The following ATXN7L2 variants were observed in gnomAD, a reference collection of about 807,000 sequenced individuals.
The protein encoded by ATXN7L2 is ataxin 7 like 2.
A neutral mutation model predicts 59.6 loss-of-function variants in ATXN7L2; 17 were observed. The observed-to-expected ratio is 0.29, with a 90% CI of 0.20 to 0.43. The LOEUF (loss-of-function observed/expected upper bound fraction) is 0.43. ATXN7L2 is among the 20% of genes least tolerant of loss of function. The pLI is 1.00. For synonymous variants in ATXN7L2, 378 were observed against 392.5 expected, an observed-to-expected ratio of 0.96 and a Z score of 0.44; for missense variants, 858 against 1,008.9, an observed-to-expected ratio of 0.85 and a Z score of 2.03.
chr1:109,488,261 C>A lies in ATXN7L2; in HGVS notation c.797-122C>A. ...TTTATCTGGAAGGTACAGCCCCAGGCTGAGGGCTGGAGTCTCTTCTGCCTT... is the reference window on the plus strand; with the variant it reads ...TTTATCTGGAAGGTACAGCCCCAGGATGAGGGCTGGAGTCTCTTCTGCCTT... On this transcript the variant is annotated intron_variant, in intron 5 of 10. Coordinates refer to ENST00000683729, the MANE Select transcript of ATXN7L2 (RefSeq NM_001350175.2). This position sits in a 1 kb window ranked among gnomAD's most constrained non-coding sequence, Gnocchi z 5.0. 1 of 923,538 alleles carries A rather than the reference C, an allele frequency of 1.1e-6. No individual in the cohort carries two copies. Among genetic ancestry groups the A allele is most frequent in the Non-Finnish European group, 1.7e-6 (1 of 581,418 alleles). 57.2% of individuals were successfully genotyped at this position (923,538 alleles called of 1,614,324 possible). A position where few individuals can be genotyped will look rare whatever the true frequency, so the allele number is the denominator to read the frequency against.
chr1:109,484,186 C>T (rs1656398073), intron 1 of ATXN7L2, 106 bp downstream of exon 1: 1 of 1,148,300 alleles, frequency 8.7e-7, no homozygotes. Context: ...CGCCGTCCGG[C>T]TCCCCGGCCC....
At position 109,490,963 on chromosome 1, in the gene ATXN7L2, A is replaced by T. The variant is rs144683695; in HGVS notation, c.1496A>T (p.Asn499Ile). 30 of 1,580,124 alleles carry T rather than the reference A, an allele frequency of 1.9e-5. No homozygotes were observed. Among genetic ancestry groups the T allele is most frequent in the Non-Finnish European group, 2.5e-5 (29 of 1,161,440 alleles). ...PAAEPPAHLVNSPLSAPLSPS... is the reference protein window; with the variant it reads ...PAAEPPAHLVISPLSAPLSPS... ...GCTGAACCTCCAGCTCACCTTGTCA[A>T]CTCCCCGTTATCTGCTCCCCTGAGC... The change falls in exon 10 of 11, where the codon AAC becomes ATC. Residue 499 changes from asparagine (N) to isoleucine (I), a missense_variant. By Grantham distance (149) the Asn-to-Ile change is moderately radical. Coordinates refer to ENST00000683729, the MANE Select transcript of ATXN7L2 (RefSeq NM_001350175.2).
chr1:109,491,967 CT>C lies in ATXN7L2; in HGVS notation c.2250+251del, dbSNP rs1481226002. ...GAGGAGATGCGGCACCCCTCCACCC[CT>C]GCTTTTGCTATAATCAAAGGGCTAC... On this transcript the variant is annotated intron_variant, in intron 10 of 10. Coordinates refer to ENST00000683729, the MANE Select transcript of ATXN7L2 (RefSeq NM_001350175.2). The surrounding 1 kb of genome is among the most constrained non-coding windows in gnomAD (Gnocchi z 4.1). The C allele has an allele frequency of 7.9e-7, 1 of 1,268,512 alleles. No individual in the cohort carries two copies. The highest frequency in any genetic ancestry group is 1.5e-5 in the African/African-American group (1 of 67,012). 78.6% of individuals were successfully genotyped at this position (1,268,512 alleles called of 1,614,324 possible). A position where few individuals can be genotyped will look rare whatever the true frequency, so the allele number is the denominator to read the frequency against.
Position 109,490,961 on chromosome 1 carries a change from C to T in ATXN7L2, c.1494C>T (p.Val498=), listed in dbSNP as rs769225917. 16 of 1,581,694 alleles carry T rather than the reference C, an allele frequency of 1.0e-5. 1 individual carries two copies. In the South Asian group the frequency reaches 1.7e-4, roughly 17 times the overall value. ...CAGCTGAACCTCCAGCTCACCTTGT[C>T]AACTCCCCGTTATCTGCTCCCCTGA... ...PPAAEPPAHL[V]NSPLSAPLSP... Residue 498 remains valine, a synonymous_variant, in exon 10 of 11, where the codon GTC becomes GTT. Transcript: ENST00000683729.
Position 109,487,631 on chromosome 1 carries a change from C to T in ATXN7L2, c.623C>T (p.Thr208Ile). ...TTTCTCAGCCAGCCAGGGGGCCTCA[C>T]CAAGGACTCCCCTGGAAAACCTCCC... ...SAFLSQPGGL[T>I]KDSPGKPPMA... Residue 208 changes from threonine to isoleucine, a missense_variant, in exon 5 of 11, where the codon ACC (threonine) becomes ATC (isoleucine). Thr to Ile is a moderately conservative substitution (Grantham distance 89). This residue lies in a region of ATXN7L2 where 734 missense variants were observed against 862.3 expected (regional missense o/e 0.85). Transcript: ENST00000683729. 2 of 1,603,928 alleles carry T rather than the reference C, an allele frequency of 1.2e-6. No homozygotes were observed. Among genetic ancestry groups the T allele is most frequent in the Non-Finnish European group, 1.7e-6 (2 of 1,175,316 alleles).
rs1656605948 is a variant in ATXN7L2 at position 109,486,695 on chromosome 1, G to A, written c.298+85G>A. Reference sequence around the variant, plus strand: ...AGGACAGGGTCAGTTGGGAGGTCTCGTAGGGTAATGGAGGGTGGTGTTGAG... The same window carrying A: ...AGGACAGGGTCAGTTGGGAGGTCTCATAGGGTAATGGAGGGTGGTGTTGAG... On this transcript the variant is annotated intron_variant, in intron 3 of 10. Transcript: ENST00000683729. This position sits in a 1 kb window ranked among gnomAD's most constrained non-coding sequence, Gnocchi z 4.3. 4.2e-6 allele frequency: 5 copies of A among 1,184,248 alleles called. No homozygotes were observed. Among genetic ancestry groups the A allele is most frequent in the Admixed American group, 3.9e-5 (2 of 51,034 alleles). The allele number at this position is 1,184,248 out of a possible 1,614,324, so 73.4% of individuals were successfully genotyped here.
At position 109,486,144 on chromosome 1, in the gene ATXN7L2, G is replaced by C. The variant is rs200543847; in HGVS notation, c.193+22G>C. 6.4e-7 allele frequency: 1 copy of C among 1,561,924 alleles called. No homozygotes were observed. The highest frequency in any genetic ancestry group is 2.3e-5 in the East Asian group (1 of 43,718). On this transcript the variant is annotated intron_variant, in intron 2 of 10. Transcript: ENST00000683729. This position sits in a 1 kb window ranked among gnomAD's most constrained non-coding sequence, Gnocchi z 4.3. ...GAAGGTGGGAGTCGACACACATTAGGGCTGGGACCCAGGGCAGACAGGACC... is the reference window on the plus strand; with the variant it reads ...GAAGGTGGGAGTCGACACACATTAGCGCTGGGACCCAGGGCAGACAGGACC...
rs566994045 is a variant in ATXN7L2 at position 109,487,063 on chromosome 1, G to A, written c.355G>A (p.Ala119Thr). The A allele has an allele frequency of 6.2e-7, 1 of 1,611,622 alleles. No homozygotes were observed. Among genetic ancestry groups the A allele is most frequent in the South Asian group, 1.1e-5 (1 of 90,746 alleles). ...LYGRAPPPPP[A>T]PASSQKCHVV... ...TGGCCGGGCCCCACCCCCACCTCCA[G>A]CCCCTGCCAGCTCTCAGAAATGCCA... Residue 119 changes from alanine to threonine, a missense_variant, in exon 4 of 11, where the codon GCC becomes ACC. Physicochemically the swap from Ala to Thr is moderately conservative, Grantham distance 58. Transcript: ENST00000683729.
At chr1:109,485,224 T>C (rs1013310850) in intron 1 of ATXN7L2, 146 of 925,196 alleles carry the variant, frequency 1.6e-4, no homozygotes, top group African/African-American at 9.8e-4. Flanking sequence ...ATTTTTTTTT[T>C]CCCAAGGGAC....
rs774200325 is a variant in ATXN7L2 at position 109,487,133 on chromosome 1, C to T, written c.425C>T (p.Thr142Met). The T allele has an allele frequency of 6.2e-6, 10 of 1,609,778 alleles. No homozygotes were observed. Among genetic ancestry groups the T allele is most frequent in the African/African-American group, 5.3e-5 (4 of 74,798 alleles). Residue 142 changes from threonine to methionine, a missense_variant, in exon 4 of 11, where the codon ACG (threonine) becomes ATG (methionine). Thr to Met is a moderately conservative substitution (Grantham distance 81). This residue lies in a region of ATXN7L2 where 734 missense variants were observed against 862.3 expected (regional missense o/e 0.85). Coordinates refer to ENST00000683729, the MANE Select transcript of ATXN7L2 (RefSeq NM_001350175.2). ...CCAGCTTGTAGGGCCCCAGGTTCCA[C>T]GAAAACCTCCTCCAGGGAGAAGGGC... The part of the protein sequence containing the change: ...QGPACRAPGS[T>M]KTSSREKGQG...
chr1:109,487,540 C>G lies in ATXN7L2; in HGVS notation c.532C>G (p.Leu178Val). ...TAGCCTTTTCGTGCCTGTGGTGAATCTGGAGAAGATGTCCAGTCTCCCGAA... is the reference window on the plus strand; with the variant it reads ...TAGCCTTTTCGTGCCTGTGGTGAATGTGGAGAAGATGTCCAGTCTCCCGAA... Reference protein sequence around the residue: ...NLCLFVPVVNLEKMSSLPKPD... With the variant: ...NLCLFVPVVNVEKMSSLPKPD... Residue 178 changes from leucine (L) to valine (V), a missense_variant, in exon 5 of 11, where the codon CTG (leucine) becomes GTG (valine). Around this residue, in one of 3 missense-constraint regions of ATXN7L2, gnomAD observed 734 missense variants for 862.3 expected, o/e 0.85. Coordinates refer to ENST00000683729, the MANE Select transcript of ATXN7L2 (RefSeq NM_001350175.2). 3 of 1,506,822 alleles carry G rather than the reference C, an allele frequency of 2.0e-6. No individual in the cohort carries two copies. The highest frequency in any genetic ancestry group is 2.7e-6 in the Non-Finnish European group (3 of 1,129,750). The allele number at this position is 1,506,822 out of a possible 1,614,324, so 93.3% of individuals were successfully genotyped here.
At position 109,486,609 on chromosome 1, in the gene ATXN7L2, C is replaced by T. The variant is rs750079097; in HGVS notation, c.297C>T (p.Cys99=). ...AGCCTCAAGCTTTCCAGAAGCACTG[C>T]GGTGAGGGGAGCCCTAGGGAGGAGA... is the stretch of plus-strand genomic sequence containing the variant. The part of the protein sequence containing the change: ...VVKPQAFQKH[C]ERRHGPLSKL... The change falls in exon 3 of 11, where the codon TGC becomes TGT. Residue 99 remains cysteine, a splice_region_variant and synonymous_variant. Transcript: ENST00000683729. The surrounding 1 kb of genome is among the most constrained non-coding windows in gnomAD (Gnocchi z 4.3). 27 of 1,612,334 alleles carry T rather than the reference C, an allele frequency of 1.7e-5. No individual in the cohort carries two copies. The highest frequency in any genetic ancestry group is 2.2e-5 in the South Asian group (2 of 91,008).
Position 109,491,098 on chromosome 1 carries a change from G to C in ATXN7L2, c.1631G>C (p.Gly544Ala), listed in dbSNP as rs370063225. Reference sequence around the variant, plus strand: ...AACCTTGTCCCCAGCTACCCTGCAGGCTCCCCCAGCGTGGCGGCTGCCTGT... The same window carrying C: ...AACCTTGTCCCCAGCTACCCTGCAGCCTCCCCCAGCGTGGCGGCTGCCTGT... ...KDNLVPSYPA[G>A]SPSVAAACSQ... Residue 544 changes from glycine (G) to alanine (A), a missense_variant, in exon 10 of 11, where the codon GGC becomes GCC. Gly to Ala is a moderately conservative substitution (Grantham distance 60). This residue lies in a region of ATXN7L2 where 734 missense variants were observed against 862.3 expected (regional missense o/e 0.85). Transcript: ENST00000683729. This position sits in a 1 kb window ranked among gnomAD's most constrained non-coding sequence, Gnocchi z 4.1. 27 of 1,613,512 alleles carry C rather than the reference G, an allele frequency of 1.7e-5. No individual in the cohort carries two copies. The highest frequency in any genetic ancestry group is 3.3e-4 in the Middle Eastern group (2 of 6,084).
chr1:109,489,334 G>C lies in ATXN7L2; in HGVS notation c.1133+234G>C, dbSNP rs377131001. ...GCAGTGTGCCAGATCCAACACTCAG[G>C]ATATGAACATTTTCCCAGCTGCCTC... On this transcript the variant is annotated intron_variant, in intron 7 of 10. Transcript: ENST00000683729. The C allele has an allele frequency of 1.3e-3, 740 of 573,300 alleles. 9 individuals carry two copies. In the South Asian group the frequency reaches 0.018, roughly 14 times the overall value. The allele number at this position is 573,300 out of a possible 1,614,324, so 35.5% of individuals were successfully genotyped here.
At chr1:109,484,292 T>G (rs2101018186) in intron 1 of ATXN7L2, among the ~76,000 whole-genome samples, 1 of 152,132 alleles carries the variant, frequency 6.6e-6, no homozygotes, top group Non-Finnish European at 1.5e-5. Context: ...CAGCCCACCC[T>G]GCCAACCTCT....
chr1:109,488,894 C>G lies in ATXN7L2; in HGVS notation c.927C>G (p.Asp309Glu). Residue 309 changes from aspartate to glutamate, a missense_variant, in exon 7 of 11, where the codon GAC becomes GAG. Transcript: ENST00000683729. The surrounding 1 kb of genome is among the most constrained non-coding windows in gnomAD (Gnocchi z 5.0). ...GGGAAGTCCAGGGCCGGGCCAAGGACTTTGACGTGCTGGTGGCAGAGCTGA... is the reference window on the plus strand; with the variant it reads ...GGGAAGTCCAGGGCCGGGCCAAGGAGTTTGACGTGCTGGTGGCAGAGCTGA... ...QRREVQGRAK[D>E]FDVLVAELKA... 1 of 1,614,138 alleles carries G rather than the reference C, an allele frequency of 6.2e-7. No individual in the cohort carries two copies.
At chr1:109,489,843 G>C in intron 7 of ATXN7L2, 87 bp from the exon 8 acceptor site, 1 of 1,459,134 alleles carries the variant, frequency 6.9e-7, no homozygotes, top group South Asian at 1.2e-5. Flanking sequence ...CTGGTGCCCT[G>C]CTCTTTGAGC....
intron 9 of ATXN7L2, 61 bp downstream of exon 9, chr1:109,490,453 C>T (rs572066133): frequency 2.6e-5 from 41 of 1,582,820 alleles, no homozygotes; most frequent in Non-Finnish European, 3.3e-5. Flanking sequence ...TCCAGACATA[C>T]TTGGGCTTCA....
At chr1:109,490,233 C>T in intron 8 of ATXN7L2, 38 bp from the exon 9 acceptor site, 1 of 1,609,676 alleles carries the variant, frequency 6.2e-7, no homozygotes, top group Non-Finnish European at 8.5e-7. Flanking sequence ...CTGTGCACCC[C>T]AGACCCTGCC....
Sources: gnomAD v4.1 joint callset for allele counts (sites outside exome capture counted in the v4.1 genomes callset) on GRCh38, gnomAD v4.1.1 for gene constraint, gnomAD v4.1.1 regional missense constraint, Gnocchi (gnomAD v3.1) non-coding constraint, MANE v1.5 for transcripts, NCBI Gene and HGNC (gene_info 2026-07-23, HGNC 2026-07-21) for gene names.